Variants in ANKRD31 observed in about 807,000 individuals in gnomAD.
ANKRD31 encodes the protein ankyrin repeat domain 31, also known as ankyrin repeat domain-containing protein 31.
ANKRD31 carries 147 observed loss-of-function variants against 186.0 expected under a neutral mutation model. The ratio of observed to expected loss-of-function variants is 0.79; its 90% CI spans 0.69 to 0.91. The LOEUF (loss-of-function observed/expected upper bound fraction) is 0.91. ANKRD31 is among the 40% of genes least tolerant of loss of function. ANKRD31 has a pLI of 0.00. For synonymous variants in ANKRD31, 673 were observed against 736.4 expected (o/e 0.91, Z 1.39); for missense variants, 1,986 against 2,148.8 (o/e 0.92, Z 1.50).
intron 10 of ANKRD31, among the ~76,000 whole-genome samples, chr5:75,175,874 C>T (rs575617058): frequency 9.2e-5 from 14 of 152,084 alleles, no homozygotes; most frequent in Admixed American, 3.9e-4. Flanking sequence ...TGTGGAGTGC[C>T]GGATAGTGGG....
At chr5:75,132,289 C>A (rs1283859488) in intron 17 of ANKRD31, among the ~76,000 whole-genome samples, 1 of 152,102 alleles carries the variant, frequency 6.6e-6, no homozygotes, top group African/African-American at 2.4e-5. Flanking sequence ...AGACGAATGG[C>A]TAACTAGAAT....
chr5:75,235,409 T>C (rs903919546), intron 1 of ANKRD31, among the ~76,000 whole-genome samples: 19 of 152,128 alleles, frequency 1.2e-4, no homozygotes, highest in Admixed American at 2.6e-4. Context: ...AAGTAAACAA[T>C]AGCAGGTAGA....
chr5:75,126,693 C>T (rs1749285108), intron 17 of ANKRD31, among the ~76,000 whole-genome samples: 2 of 151,900 alleles, frequency 1.3e-5, no homozygotes, highest in South Asian at 2.1e-4. Context: ...CCATTTTGCA[C>T]GAAAGGGATA....
At chr5:75,225,216 T>C (rs543417817) in intron 2 of ANKRD31, among the ~76,000 whole-genome samples, 10 of 152,326 alleles carry the variant, frequency 6.6e-5, no homozygotes, top group African/African-American at 2.4e-4. Flanking sequence ...TAAGTATTAA[T>C]ATTTTCATAT....
intron 23 of ANKRD31, among the ~76,000 whole-genome samples, chr5:75,087,496 G>A (rs540976667): frequency 1.3e-5 from 2 of 151,654 alleles, no homozygotes; most frequent in African/African-American, 4.8e-5. Context: ...AAGACAGCGA[G>A]ACTCTGGCTC....
chr5:75,180,259 C>G (rs986371505), intron 10 of ANKRD31, among the ~76,000 whole-genome samples: 1 of 152,188 alleles, frequency 6.6e-6, no homozygotes, highest in Non-Finnish European at 1.5e-5. Flanking sequence ...GAAGAACATT[C>G]CATGCTCATG....
intron 2 of ANKRD31, among the ~76,000 whole-genome samples, chr5:75,229,779 C>T (rs548525337): frequency 8.3e-5 from 12 of 144,602 alleles, no homozygotes; most frequent in South Asian, 2.3e-4. Flanking sequence ...GCAGAAGAAT[C>T]GCTTGACCTG....
chr5:75,236,333 T>G (rs1261476260), intron 1 of ANKRD31, among the ~76,000 whole-genome samples: 1 of 152,216 alleles, frequency 6.6e-6, no homozygotes, highest in Non-Finnish European at 1.5e-5. Flanking sequence ...GGAAAGCCTT[T>G]TGAAAAATGC....
chr5:75,199,686 CA>C lies in ANKRD31; in HGVS notation c.404-13del. 4 of 1,531,182 alleles carry C rather than the reference CA, an allele frequency of 2.6e-6. No individual in the cohort carries two copies. The highest frequency in any genetic ancestry group is 3.5e-6 in the Non-Finnish European group (4 of 1,143,646). 94.8% of individuals were successfully genotyped at this position (1,531,182 alleles called of 1,614,324 possible). ...TTCAGCCTCTGGCCCTAGAAAAAAACAATGTGTTTTCATTCCAGTTTTATGG... is the reference window on the plus strand; with the variant it reads ...TTCAGCCTCTGGCCCTAGAAAAAAACATGTGTTTTCATTCCAGTTTTATGG... On this transcript the variant is annotated splice_polypyrimidine_tract_variant and intron_variant, in intron 5 of 25. Coordinates refer to ENST00000506364, the MANE Select transcript of ANKRD31 (RefSeq NM_001372053.1).
chr5:75,097,750 G>A, intron 22 of ANKRD31, among the ~76,000 whole-genome samples: 1 of 152,098 alleles, frequency 6.6e-6, no homozygotes, highest in Non-Finnish European at 1.5e-5. Context: ...TGTCCTGAAT[G>A]GTATTGCCTA....
At chr5:75,123,123 A>G (rs552264561) in intron 17 of ANKRD31, among the ~76,000 whole-genome samples, 1 of 152,306 alleles carries the variant, frequency 6.6e-6, no homozygotes, top group African/African-American at 2.4e-5. Flanking sequence ...ATCAATATTC[A>G]AAAATGAGTG....
At chr5:75,075,378 T>G (rs4621540) in intron 25 of ANKRD31, among the ~76,000 whole-genome samples, 76,859 of 152,048 alleles carry the variant, frequency 0.51, 22,397 homozygotes, top group African/African-American at 0.82. Context: ...CTTCTAAAAT[T>G]TATTTATCTG....
chr5:75,132,080 A>C (rs1749892756), intron 17 of ANKRD31, among the ~76,000 whole-genome samples: 1 of 152,252 alleles, frequency 6.6e-6, no homozygotes. Flanking sequence ...AGAAAAGCTG[A>C]AAATTCTAAA....
At chr5:75,154,464 A>T in intron 11 of ANKRD31, 119 bp from the exon 12 acceptor site, 3 of 894,142 alleles carry the variant, frequency 3.4e-6, no homozygotes, top group Non-Finnish European at 4.5e-6. Context: ...GTTTGGATTT[A>T]TCTATAAATC....
chr5:75,195,760 C>T lies in ANKRD31; in HGVS notation c.888G>A (p.Leu296=), dbSNP rs1425504718. The T allele has an allele frequency of 2.0e-6, 3 of 1,537,378 alleles. No individual in the cohort carries two copies. Among genetic ancestry groups the T allele is most frequent in the Non-Finnish European group, 2.6e-6 (3 of 1,146,930 alleles). The change falls in exon 7 of 26, where the codon TTG becomes TTA. Residue 296 remains leucine, a synonymous_variant. Transcript: ENST00000506364. ...AGATGGTTTCCACCTTGGCTTCTGA[C>T]AATGTGTTCAGGGCTTCCAATAACT... is the stretch of plus-strand genomic sequence containing the variant. ...PAELLEALNT[L]SEAKVETICH... is the part of the protein sequence containing the mutation.
At chr5:75,154,425 T>C in intron 11 of ANKRD31, 80 bp from the exon 12 acceptor site, 1 of 1,136,498 alleles carries the variant, frequency 8.8e-7, no homozygotes, top group Non-Finnish European at 1.1e-6. Context: ...CTACTCTAAG[T>C]AACATCAAAT....
chr5:75,229,864 C>CAAAAAAAAAAAAAAAAAAA (rs1210080751), intron 2 of ANKRD31, among the ~76,000 whole-genome samples: 4 of 37,848 alleles, frequency 1.1e-4, no homozygotes, highest in African/African-American at 4.6e-4. Flanking sequence ...GACTCTGTCT[C>CAAAAAAAAAAAAAAAAAAA]AAAAAAAAAA....
intron 3 of ANKRD31, among the ~76,000 whole-genome samples, chr5:75,215,312 C>T (rs1405375909): frequency 6.6e-6 from 1 of 152,110 alleles, no homozygotes; most frequent in African/African-American, 2.4e-5. Flanking sequence ...TAATTTCATT[C>T]AAAAACACTC....
chr5:75,115,699 C>T (rs1430274421), intron 19 of ANKRD31, among the ~76,000 whole-genome samples: 1 of 151,964 alleles, frequency 6.6e-6, no homozygotes, highest in Admixed American at 6.6e-5. Context: ...CAAATCAAAA[C>T]CACAATGAGA....
Sources: allele counts gnomAD v4.1 joint callset (sites outside exome capture counted in the v4.1 genomes callset), GRCh38; gene constraint gnomAD v4.1.1; transcripts MANE v1.5; gene names NCBI Gene and HGNC (gene_info 2026-07-23, HGNC 2026-07-21).